The following CSMD3 variants were observed in gnomAD, a reference collection of about 807,000 sequenced individuals.
CSMD3 encodes CUB and Sushi multiple domains 3.
In CSMD3, 177 loss-of-function variants were observed where a neutral mutation model predicts 435.2. That is an observed-to-expected ratio of 0.41 (90% CI 0.36 to 0.46). CSMD3 has a LOEUF of 0.46. Among genes scored for constraint, CSMD3 ranks in the 20% least tolerant of loss-of-function variants. CSMD3 has a pLI of 0.34. For synonymous variants in CSMD3, 1,656 were observed against 1,520.5 expected (o/e 1.09, Z -2.07); for missense variants, 4,265 against 4,504.6 (o/e 0.95, Z 1.52).
At chr8:113,368,524 C>A (rs1170587537) in intron 1 of CSMD3, among the ~76,000 whole-genome samples, 2 of 152,040 alleles carry the variant, frequency 1.3e-5, no homozygotes, top group Non-Finnish European at 2.9e-5. Context: ...AAATATGTTT[C>A]TTTATATAAA....
At chr8:112,933,093 A>C (rs1194987241) in intron 9 of CSMD3, among the ~76,000 whole-genome samples, 1 of 152,156 alleles carries the variant, frequency 6.6e-6, no homozygotes, top group Non-Finnish European at 1.5e-5. Flanking sequence ...TGGATTGGGG[A>C]GTTGGGAGTA....
chr8:113,051,846 T>C (rs564895217), intron 5 of CSMD3, among the ~76,000 whole-genome samples: 1 of 152,316 alleles, frequency 6.6e-6, no homozygotes, highest in South Asian at 2.1e-4. Flanking sequence ...TCATCACTTT[T>C]TTCTATCAAG....
chr8:112,622,657 A>G (rs904536603), intron 22 of CSMD3, among the ~76,000 whole-genome samples: 2 of 152,166 alleles, frequency 1.3e-5, no homozygotes, highest in African/African-American at 4.8e-5. Flanking sequence ...CTGAATTAAT[A>G]GGGACTCTAT....
At chr8:112,462,488 C>T (rs1426390336) in intron 32 of CSMD3, among the ~76,000 whole-genome samples, 7 of 152,114 alleles carry the variant, frequency 4.6e-5, no homozygotes, top group South Asian at 2.1e-4. Context: ...ACATAAACAT[C>T]GGCACTTATA....
At chr8:112,947,253 G>T (rs900632274) in intron 9 of CSMD3, among the ~76,000 whole-genome samples, 40 of 151,644 alleles carry the variant, frequency 2.6e-4, no homozygotes, top group Non-Finnish European at 4.4e-5. Flanking sequence ...AATTCTCTAG[G>T]TTGTTTAACT....
chr8:112,679,085 GTTTTTTTTTT>G (rs1195093248), intron 16 of CSMD3, among the ~76,000 whole-genome samples: 3 of 115,052 alleles, frequency 2.6e-5, no homozygotes, highest in African/African-American at 3.7e-5. Flanking sequence ...GATGGGGCAG[GTTTTTTTTTT>G]TTTTTTTTTA....
chr8:112,687,942 G>C, intron 14 of CSMD3, among the ~76,000 whole-genome samples: 1 of 151,982 alleles, frequency 6.6e-6, no homozygotes, highest in East Asian at 1.9e-4. Flanking sequence ...CCTGCATCCT[G>C]GAATAATTTG....
chr8:112,926,642 A>G (rs1380218684), intron 9 of CSMD3, among the ~76,000 whole-genome samples: 1 of 152,158 alleles, frequency 6.6e-6, no homozygotes, highest in Non-Finnish European at 1.5e-5. Flanking sequence ...AGAAGATATG[A>G]GGTTTTTCAA....
At chr8:113,181,800 G>A (rs959525490) in intron 3 of CSMD3, among the ~76,000 whole-genome samples, 1 of 152,008 alleles carries the variant, frequency 6.6e-6, no homozygotes, top group African/African-American at 2.4e-5. Flanking sequence ...TCTGAACATG[G>A]AATAATGTTG....
chr8:112,995,789 C>T (rs909102827), intron 6 of CSMD3, among the ~76,000 whole-genome samples: 2 of 151,346 alleles, frequency 1.3e-5, no homozygotes, highest in Admixed American at 6.6e-5. Context: ...TATAATTGTT[C>T]GTTGAATTTT....
At chr8:112,795,754 G>A (rs2078813656) in intron 13 of CSMD3, among the ~76,000 whole-genome samples, 1 of 152,088 alleles carries the variant, frequency 6.6e-6, no homozygotes, top group African/African-American at 2.4e-5. Context: ...GCCACAATTA[G>A]TTGGGTTTTC....
intron 10 of CSMD3, among the ~76,000 whole-genome samples, chr8:112,876,495 G>A (rs950310997): frequency 7.2e-5 from 11 of 152,262 alleles, no homozygotes; most frequent in South Asian, 2.1e-4. Flanking sequence ...TGATCAAGTC[G>A]TCTTTATCCT....
In CSMD3 at chr8:112,295,813, C is replaced by T. The variant is rs769749694; in HGVS notation, c.8614+20G>A. 6.2e-7 allele frequency: 1 copy of T among 1,611,784 alleles called. No homozygotes were observed. The highest frequency in any genetic ancestry group is 1.1e-5 in the South Asian group (1 of 90,958). The stretch of plus-strand genomic sequence containing the variant: ...TCCAAAGATCAGAGGTCTCTAATTG[C>T]TTTTGCCATGCTTACTTACGCACAC... On this transcript the variant is annotated intron_variant, in intron 54 of 70. Transcript: ENST00000297405.
intron 22 of CSMD3, among the ~76,000 whole-genome samples, chr8:112,594,446 C>G (rs1307174486): frequency 6.6e-6 from 1 of 152,164 alleles, no homozygotes; most frequent in African/African-American, 2.4e-5. Context: ...GGGGGAGGGG[C>G]GCCCGCCATT....
intron 6 of CSMD3, among the ~76,000 whole-genome samples, chr8:112,996,213 C>T (rs1005577546): frequency 6.6e-6 from 1 of 151,386 alleles, no homozygotes; most frequent in Non-Finnish European, 1.5e-5. Context: ...ACTTATACCT[C>T]CCATAAAACT....
chr8:113,343,993 C>A (rs1419732989), intron 1 of CSMD3, among the ~76,000 whole-genome samples: 3 of 151,910 alleles, frequency 2.0e-5, no homozygotes, highest in African/African-American at 7.3e-5. Flanking sequence ...TATTTAAAAA[C>A]AATCAAATTA....
chr8:112,257,741 A>G (rs1325612198), intron 61 of CSMD3, among the ~76,000 whole-genome samples: 2 of 152,226 alleles, frequency 1.3e-5, no homozygotes, highest in African/African-American at 4.8e-5. Context: ...TATCCCCATC[A>G]AGCTACCACT....
chr8:112,319,801 G>T, intron 46 of CSMD3, 100 bp downstream of exon 46: 2 of 835,398 alleles, frequency 2.4e-6, no homozygotes, highest in South Asian at 1.3e-5. Flanking sequence ...GGGAATGAGG[G>T]TCTCAAGACA....
At chr8:113,398,793 T>G (rs1415284893) in intron 1 of CSMD3, among the ~76,000 whole-genome samples, 1 of 152,070 alleles carries the variant, frequency 6.6e-6, no homozygotes, top group East Asian at 1.9e-4. Context: ...CAGCCATGAT[T>G]GCTTCAGCTG....
Sources: allele counts gnomAD v4.1 joint callset (sites outside exome capture counted in the v4.1 genomes callset), GRCh38; gene constraint gnomAD v4.1.1; transcripts MANE v1.5; gene names NCBI Gene and HGNC (gene_info 2026-07-23, HGNC 2026-07-21).